Variants in AXDND1 observed in about 807,000 individuals in gnomAD.
AXDND1 encodes the protein axonemal dynein light chain domain containing 1.
In AXDND1, 110 loss-of-function variants were observed where a neutral mutation model predicts 137.5. The observed-to-expected ratio is 0.80, with a 90% CI of 0.69 to 0.94. The LOEUF (loss-of-function observed/expected upper bound fraction) is 0.94, where lower values mean the gene tolerates loss of function less well. AXDND1 is among the 40% of genes least tolerant of loss of function. The pLI, the probability that AXDND1 is intolerant of heterozygous loss-of-function variation, is 0.00. For synonymous variants in AXDND1, 414 were observed against 399.7 expected (o/e 1.04, Z -0.43); for missense variants, 1,191 against 1,169.8 (o/e 1.02, Z -0.26).
intron 16 of AXDND1, among the ~76,000 whole-genome samples, chr1:179,466,891 T>C (rs1043559599): frequency 6.6e-6 from 1 of 152,184 alleles, no homozygotes; most frequent in Non-Finnish European, 1.5e-5. Context: ...GGGACTGAGC[T>C]GAAATGAAGT....
chr1:179,381,262 G>A (rs12751550), intron 6 of AXDND1, among the ~76,000 whole-genome samples: 33,298 of 150,526 alleles, frequency 0.22, 3,722 homozygotes, highest in Non-Finnish European at 0.24. Flanking sequence ...AGCTGGTCTC[G>A]AACTCCTGAC....
intron 12 of AXDND1, among the ~76,000 whole-genome samples, chr1:179,421,322 T>TTTCC (rs1451088373): frequency 2.0e-5 from 3 of 149,374 alleles, no homozygotes; most frequent in Non-Finnish European, 4.5e-5. Context: ...TTCTCTATGG[T>TTTCC]TTCCTTCCTT....
intron 12 of AXDND1, among the ~76,000 whole-genome samples, chr1:179,426,914 C>T (rs989087992): frequency 3.3e-5 from 5 of 152,174 alleles, no homozygotes; most frequent in Admixed American, 2.6e-4. Context: ...GTAATCCCAG[C>T]ACTTTGGGAG....
chr1:179,548,596 T>TA (rs1672860890), intron 25 of AXDND1: 1 of 152,194 alleles, frequency 6.6e-6, no homozygotes, highest in Admixed American at 6.5e-5. Context: ...AAGCCAGAAT[T>TA]ATTGGAACCT....
intron 12 of AXDND1, among the ~76,000 whole-genome samples, chr1:179,414,993 C>T (rs1247435766): frequency 1.3e-5 from 2 of 152,042 alleles, no homozygotes; most frequent in African/African-American, 2.4e-5. Flanking sequence ...ATAGACTCAC[C>T]TATATATGGG....
At chr1:179,490,009 G>A (rs1401033326) in intron 18 of AXDND1, among the ~76,000 whole-genome samples, 1 of 152,160 alleles carries the variant, frequency 6.6e-6, no homozygotes, top group Admixed American at 6.5e-5. Context: ...CTCCCAAAGT[G>A]CTGAGATTAC....
At chr1:179,374,766 A>G (rs1175348175) in intron 4 of AXDND1, among the ~76,000 whole-genome samples, 1 of 143,062 alleles carries the variant, frequency 7.0e-6, no homozygotes, top group Non-Finnish European at 1.5e-5. Context: ...ATAGGTGGGA[A>G]TTGAACAATG....
At chr1:179,473,049 G>C (rs113662824) in intron 17 of AXDND1, among the ~76,000 whole-genome samples, 2,147 of 149,982 alleles carry the variant, frequency 0.014, 42 homozygotes, top group African/African-American at 0.049. Flanking sequence ...CTTACTGCTT[G>C]TTTTGTTTCA....
chr1:179,526,322 G>A (rs1400765776), intron 22 of AXDND1, among the ~76,000 whole-genome samples: 2 of 152,012 alleles, frequency 1.3e-5, no homozygotes, highest in African/African-American at 4.8e-5. Context: ...GATATACTTT[G>A]CACATATTAT....
chr1:179,442,724 G>A (rs1659166463), intron 15 of AXDND1, among the ~76,000 whole-genome samples: 1 of 151,992 alleles, frequency 6.6e-6, no homozygotes, highest in Non-Finnish European at 1.5e-5. Context: ...ACTCATCCCG[G>A]GGTCACTGTT....
At chr1:179,400,904 C>CAAAAAAAAA (rs151090012) in intron 11 of AXDND1, among the ~76,000 whole-genome samples, 82 of 53,634 alleles carry the variant, frequency 1.5e-3, no homozygotes, top group South Asian at 3.3e-3. Flanking sequence ...GACTCTGTCT[C>CAAAAAAAAA]AAAAAAAAAA....
intron 23 of AXDND1, 21 bp from the exon 24 acceptor site, chr1:179,533,774 A>G (rs1440811139): frequency 6.4e-7 from 1 of 1,562,806 alleles, no homozygotes; most frequent in East Asian, 2.2e-5. Context: ...GTTCATTCAT[A>G]TCTCATATTT....
chr1:179,503,356 C>T (rs1199067824), intron 20 of AXDND1, among the ~76,000 whole-genome samples: 1 of 151,592 alleles, frequency 6.6e-6, no homozygotes, highest in African/African-American at 2.4e-5. Context: ...AATTTATGTA[C>T]AACATCTTGC....
At chr1:179,530,694 AC>A (rs759249631) in intron 23 of AXDND1, among the ~76,000 whole-genome samples, 1 of 152,188 alleles carries the variant, frequency 6.6e-6, no homozygotes, top group Non-Finnish European at 1.5e-5. Context: ...ACTACAGATC[AC>A]TAAAGACCAA....
At chr1:179,365,896 C>G (rs550473986), upstream of AXDND1, 2 of 152,560 alleles carry the variant, frequency 1.3e-5, no homozygotes, top group Admixed American at 6.5e-5. Context: ...CCGCCGGCAC[C>G]GCTGAAGGCA....
rs557367432 is a variant in AXDND1 at position 179,493,982 on chromosome 1, C to T, written c.2388+1031C>T. 4.6e-5 allele frequency among the ~76,000 whole-genome samples: 7 copies of T among 152,106 alleles called. No homozygotes were observed. In the East Asian group the frequency reaches 7.7e-4, roughly 17 times the overall value. ...TAAAATTTTTTTTGAGATGGAGTCT[C>T]GCTCTGTTGCCCAGGCTGGAGTGCA... On this transcript the variant is annotated intron_variant, in intron 20 of 25. Coordinates refer to ENST00000367618, the MANE Select transcript of AXDND1 (RefSeq NM_144696.6).
intron 12 of AXDND1, 39 bp downstream of exon 12, chr1:179,411,305 GGCTAAAGATT>G: frequency 6.3e-7 from 1 of 1,595,290 alleles, no homozygotes; most frequent in Non-Finnish European, 8.5e-7. Flanking sequence ...CTTCTTTTTT[GGCTAAAGATT>G]CATTCTACAG....
In AXDND1 at chr1:179,431,605, G is replaced by C. The variant is rs565927293; in HGVS notation, c.1488-662G>C. Reference sequence around the variant, plus strand: ...TTTAAGATGCTTTGTCTGTTAGGTAGCATTTCCATTTCAAATTGAGAATAA... The same window carrying C: ...TTTAAGATGCTTTGTCTGTTAGGTACCATTTCCATTTCAAATTGAGAATAA... On this transcript the variant is annotated intron_variant, in intron 14 of 25. Transcript: ENST00000367618. 5.3e-3 allele frequency among the ~76,000 whole-genome samples: 796 copies of C among 151,294 alleles called. 9 individuals carry two copies. Among genetic ancestry groups the C allele is most frequent in the African/African-American group, 0.019 (773 of 41,160 alleles).
rs376189496 is a variant in AXDND1, at chr1:179,488,634, C to CTTCTTTCTTT, written c.2092-2904_2092-2903insTTCTTTCTTT. Reference sequence around the variant, plus strand: ...TTTCTTTCTTTCTCTCTCTCTCTCTCCTTTCTTTCTTTCTTTCTTTCTTTC... The same window carrying CTTCTTTCTTT: ...TTTCTTTCTTTCTCTCTCTCTCTCTCTTCTTTCTTTCTTTCTTTCTTTCTTTCTTTCTTTC... On this transcript the variant is annotated intron_variant, in intron 18 of 25. Coordinates refer to ENST00000367618, the MANE Select transcript of AXDND1 (RefSeq NM_144696.6). Among the ~76,000 whole-genome samples the CTTCTTTCTTT allele has an allele frequency of 9.5e-5, 10 of 105,170 alleles. 2 individuals are homozygous for CTTCTTTCTTT. The highest frequency in any genetic ancestry group is 3.5e-4 in the African/African-American group (9 of 25,574). 69.0% of individuals were successfully genotyped at this position (105,170 alleles called of 152,430 possible). A position where few individuals can be genotyped will look rare whatever the true frequency, so the allele number is the denominator to read the frequency against.
Sources: gnomAD v4.1 joint callset for allele counts (sites outside exome capture counted in the v4.1 genomes callset) on GRCh38, gnomAD v4.1.1 for gene constraint, MANE v1.5 for transcripts, NCBI Gene and HGNC (gene_info 2026-07-23, HGNC 2026-07-21) for gene names.